The following C2orf49 variants were observed in gnomAD, a reference collection of about 807,000 sequenced individuals.
C2orf49 encodes tRNA-splicing ligase complex subunit ASW.
A neutral mutation model predicts 20.6 loss-of-function variants in C2orf49; 11 were observed. The observed-to-expected ratio is 0.53, with a 90% CI of 0.34 to 0.88. C2orf49 has a LOEUF of 0.88. Among genes scored for constraint, C2orf49 ranks in the 40% least tolerant of loss-of-function variants. The pLI is 0.02. For missense variants in C2orf49, 289 were observed against 274.2 expected, an observed-to-expected ratio of 1.05 and a Z score of -0.38; for synonymous variants, 134 against 108.5, an observed-to-expected ratio of 1.24 and a Z score of -1.46.
At chr2:105,384,425 T>C in the C2orf49 span, among the ~76,000 whole-genome samples, 1 of 152,184 alleles carries the variant, frequency 6.6e-6, no homozygotes, top group Admixed American at 6.5e-5. Flanking sequence ...TGTCAGCTGC[T>C]AGAAGAGTAC....
chr2:105,337,766 C>A, intron 1 of C2orf49, 80 bp downstream of exon 1: 1 of 1,296,316 alleles, frequency 7.7e-7, no homozygotes. Context: ...CTTAAGTAGC[C>A]CTCGGCAACC....
the C2orf49 span, chr2:105,358,258 G>T: frequency 6.6e-6 from 1 of 152,244 alleles, no homozygotes; most frequent in South Asian, 2.1e-4. Flanking sequence ...TAACTGCTGG[G>T]TTACCAGTCT....
At chr2:105,343,700 C>G (rs1679735411) in intron 3 of C2orf49, among the ~76,000 whole-genome samples, 1 of 152,188 alleles carries the variant, frequency 6.6e-6, no homozygotes, top group African/African-American at 2.4e-5. Flanking sequence ...GCCTCGCCTA[C>G]TGCTCAATTT....
chr2:105,383,725 C>T, the C2orf49 span, among the ~76,000 whole-genome samples: 2 of 152,170 alleles, frequency 1.3e-5, no homozygotes, highest in African/African-American at 4.8e-5. Context: ...GGCTTTACTT[C>T]CAGAAAAAAA....
intron 2 of C2orf49, among the ~76,000 whole-genome samples, chr2:105,342,601 A>G (rs957386621): frequency 1.3e-5 from 2 of 152,186 alleles, no homozygotes; most frequent in Non-Finnish European, 2.9e-5. Flanking sequence ...TGTTTTAAAA[A>G]TAGCTGCATG....
chr2:105,382,227 AATC>A, the C2orf49 span, among the ~76,000 whole-genome samples: 1 of 152,152 alleles, frequency 6.6e-6, no homozygotes, highest in Non-Finnish European at 1.5e-5. Context: ...TCTGCAATGT[AATC>A]ATCACCATCT....
At chr2:105,341,568 C>G (rs1679670703) in intron 2 of C2orf49, among the ~76,000 whole-genome samples, 1 of 152,232 alleles carries the variant, frequency 6.6e-6, no homozygotes, top group Non-Finnish European at 1.5e-5. Context: ...TCAAACCCTG[C>G]TCTCAGTCCC....
chr2:105,364,818 GAAATT>G, the C2orf49 span, among the ~76,000 whole-genome samples: 1 of 152,168 alleles, frequency 6.6e-6, no homozygotes, highest in Non-Finnish European at 1.5e-5. Flanking sequence ...GAGACTCAGA[GAAATT>G]AAAAAGTGAC....
chr2:105,343,323 C>A, intron 3 of C2orf49, 100 bp downstream of exon 3: 1 of 1,176,132 alleles, frequency 8.5e-7, no homozygotes, highest in Non-Finnish European at 1.2e-6. Context: ...ACATTCTGTT[C>A]TTGAACCCTT....
chr2:105,381,772 C>T, the C2orf49 span, among the ~76,000 whole-genome samples: 2 of 152,042 alleles, frequency 1.3e-5, no homozygotes, highest in African/African-American at 2.4e-5. Flanking sequence ...GGAAGAAGAT[C>T]CAAGAAGGTA....
At chr2:105,371,289 C>CACG in the C2orf49 span, among the ~76,000 whole-genome samples, 3 of 152,218 alleles carry the variant, frequency 2.0e-5, no homozygotes, top group East Asian at 5.8e-4. Context: ...GCACGTTACC[C>CACG]ACGTATCAGG....
downstream of C2orf49, among the ~76,000 whole-genome samples, chr2:105,354,024 A>C (rs1004003291): frequency 6.6e-6 from 1 of 152,244 alleles, no homozygotes; most frequent in Non-Finnish European, 1.5e-5. Flanking sequence ...AGTTGTAGCA[A>C]GTCAACAATG....
In C2orf49 at chr2:105,337,563, C is replaced by A. The variant is rs777268278; in HGVS notation, c.-25C>A. On this transcript the variant is annotated 5_prime_UTR_variant, in exon 1 of 4. Transcript: ENST00000258457. Reference sequence around the variant, plus strand: ...TCCTTCGCGGGGCTTTGTGGGTAGCCGACTGGGGTCTCCTGGCGACGACCA... The same window carrying A: ...TCCTTCGCGGGGCTTTGTGGGTAGCAGACTGGGGTCTCCTGGCGACGACCA... The A allele has an allele frequency of 1.9e-6, 3 of 1,613,186 alleles. No homozygotes were observed. Among genetic ancestry groups the A allele is most frequent in the Middle Eastern group, 1.7e-4 (1 of 6,036 alleles).
the C2orf49 span, among the ~76,000 whole-genome samples, chr2:105,384,638 G>C: frequency 6.6e-6 from 1 of 152,180 alleles, no homozygotes; most frequent in African/African-American, 2.4e-5. Context: ...CTCTCAAGTA[G>C]CTGGGATTAC....
At chr2:105,355,036 C>T in the C2orf49 span, among the ~76,000 whole-genome samples, 1 of 152,184 alleles carries the variant, frequency 6.6e-6, no homozygotes, top group Non-Finnish European at 1.5e-5. Flanking sequence ...TCTGTTGAAA[C>T]TCAGCTGTAG....
chr2:105,357,429 GGTTT>G, the C2orf49 span, among the ~76,000 whole-genome samples: 2 of 151,912 alleles, frequency 1.3e-5, no homozygotes, highest in East Asian at 1.9e-4. Context: ...TCTCTTTATT[GGTTT>G]GTTTGGTGAG....
At chr2:105,363,441 C>A in the C2orf49 span, 1 of 1,611,676 alleles carries the variant, frequency 6.2e-7, no homozygotes, top group Non-Finnish European at 8.5e-7. Context: ...CAGGGCTGCT[C>A]CCGGTAAGTG....
chr2:105,345,212 C>A, intron 3 of C2orf49, 103 bp from the exon 4 acceptor site: 1 of 992,590 alleles, frequency 1.0e-6, no homozygotes, highest in Non-Finnish European at 1.5e-6. Context: ...CAGTGATCTT[C>A]CATTAATACA....
downstream of C2orf49, among the ~76,000 whole-genome samples, chr2:105,352,888 G>A (rs1013440012): frequency 7.9e-5 from 12 of 152,200 alleles, no homozygotes; most frequent in African/African-American, 2.4e-4. Flanking sequence ...TTGAAGCCTA[G>A]AGAAACCCAT....
Sources: gnomAD v4.1 joint callset for allele counts (sites outside exome capture counted in the v4.1 genomes callset) on GRCh38, gnomAD v4.1.1 for gene constraint, MANE v1.5 for transcripts, NCBI Gene and HGNC (gene_info 2026-07-23, HGNC 2026-07-21) for gene names.